PGM1: variants seen among roughly 807,000 people sequenced by gnomAD.
PGM1 encodes the protein phosphoglucomutase 1.
PGM1 carries 52 observed loss-of-function variants against 55.6 expected under a neutral mutation model. The observed-to-expected ratio is 0.94, with a 90% CI of 0.75 to 1.18. The LOEUF is 1.18. PGM1 is among the 50% of genes most tolerant of loss of function. PGM1 has a pLI of 0.00. For missense variants in PGM1, 724 were observed against 729.3 expected (o/e 0.99, Z 0.08); for synonymous variants, 287 against 271.7 (o/e 1.06, Z -0.55).
intron 9 of PGM1, among the ~76,000 whole-genome samples, chr1:63,652,311 G>A (rs1649831097): frequency 6.6e-6 from 1 of 152,202 alleles, no homozygotes; most frequent in Admixed American, 6.5e-5. Context: ...TTCTAAAGGA[G>A]AGAAAAATAG....
intron 1 of PGM1, among the ~76,000 whole-genome samples, chr1:63,604,763 C>G (rs557698919): frequency 6.6e-6 from 1 of 152,270 alleles, no homozygotes; most frequent in South Asian, 2.1e-4. Context: ...CCCCAGATTC[C>G]TTCCAGTTAC....
intron 4 of PGM1, among the ~76,000 whole-genome samples, chr1:63,633,932 A>C (rs28719673): frequency 2.8e-5 from 1 of 35,350 alleles, no homozygotes; most frequent in Non-Finnish European, 4.6e-5. Context: ...ATATATATAT[A>C]TTTTTTTTTT....
intron 1 of PGM1, among the ~76,000 whole-genome samples, chr1:63,621,711 G>C (rs1466254193): frequency 6.6e-6 from 1 of 152,186 alleles, no homozygotes; most frequent in East Asian, 1.9e-4. Context: ...ATAAAAAGTA[G>C]TCGTCTTTTG....
intron 1 of PGM1, among the ~76,000 whole-genome samples, chr1:63,624,483 G>A (rs774070628): frequency 6.6e-6 from 1 of 152,206 alleles, no homozygotes; most frequent in African/African-American, 2.4e-5. Context: ...GTACCAGAAC[G>A]CATTGATCTT....
chr1:63,627,056 C>T (rs554994395), intron 1 of PGM1, among the ~76,000 whole-genome samples: 1 of 100,104 alleles, frequency 1.0e-5, no homozygotes, highest in East Asian at 4.7e-4. Flanking sequence ...TGGCAGGACC[C>T]CCCCCCCCCC....
intron 1 of PGM1, among the ~76,000 whole-genome samples, chr1:63,602,781 C>T (rs1006929420): frequency 2.0e-5 from 3 of 152,008 alleles, no homozygotes; most frequent in Admixed American, 6.6e-5. Flanking sequence ...ATGGTGATCT[C>T]GTAGGTTGCA....
intron 4 of PGM1, 141 bp downstream of exon 4, chr1:63,631,923 T>C (rs1649207842): frequency 1.2e-6 from 1 of 821,342 alleles, no homozygotes; most frequent in African/African-American, 1.7e-5. Context: ...ACCAGAGCAA[T>C]ATTCACACAG....
At position 63,593,688 on chromosome 1, in the gene PGM1, TGAA is replaced by T; in HGVS notation, c.202_204del (p.Lys68del). ...GTGGGCGGGGACGGCCGGTTCTACA[TGAA>T]GGAGGCCATCCAGCTCATCGCTCGC... On this transcript the variant is annotated inframe_deletion, in exon 1 of 11. Transcript: ENST00000371084. 2 of 1,605,240 alleles carry T rather than the reference TGAA, an allele frequency of 1.2e-6. No individual in the cohort carries two copies. The highest frequency in any genetic ancestry group is 1.7e-6 in the Non-Finnish European group (2 of 1,176,982).
chr1:63,600,846 A>G (rs975072978), intron 1 of PGM1, among the ~76,000 whole-genome samples: 10 of 152,368 alleles, frequency 6.6e-5, no homozygotes, highest in South Asian at 2.1e-4. Context: ...CCAATATACT[A>G]TGACATTTTG....
At chr1:63,648,880 A>G (rs920585107) in intron 8 of PGM1, among the ~76,000 whole-genome samples, 1 of 152,268 alleles carries the variant, frequency 6.6e-6, no homozygotes, top group African/African-American at 2.4e-5. Context: ...AATCAAAAGA[A>G]TAAATGCTTT....
At chr1:63,602,214 T>C (rs1648263545) in intron 1 of PGM1, among the ~76,000 whole-genome samples, 1 of 152,148 alleles carries the variant, frequency 6.6e-6, no homozygotes, top group African/African-American at 2.4e-5. Flanking sequence ...TGGGCAATGT[T>C]AAGTAGGAGT....
chr1:63,621,160 C>A (rs1044525310), intron 1 of PGM1, among the ~76,000 whole-genome samples: 2 of 152,100 alleles, frequency 1.3e-5, no homozygotes, highest in South Asian at 2.1e-4. Context: ...GGATTATGTT[C>A]TTTTGGTATA....
At chr1:63,593,944 C>T in intron 1 of PGM1, 1 of 1,216,496 alleles carries the variant, frequency 8.2e-7, no homozygotes, top group South Asian at 3.1e-5. Context: ...CGGGACCCGG[C>T]AGACCTGCTC....
At chr1:63,649,595 T>C (rs964040755) in intron 8 of PGM1, among the ~76,000 whole-genome samples, 4 of 152,200 alleles carry the variant, frequency 2.6e-5, no homozygotes, top group African/African-American at 9.7e-5. Context: ...ATTTAAAAAA[T>C]ATATCCCAGA....
intron 10 of PGM1, among the ~76,000 whole-genome samples, chr1:63,657,112 T>TA (rs1649988904): frequency 3.3e-5 from 5 of 152,240 alleles, no homozygotes; most frequent in Admixed American, 3.3e-4. Flanking sequence ...CAATTTTTAT[T>TA]AAAAAATTGA....
At chr1:63,635,976 C>T (rs1164136076) in intron 5 of PGM1, among the ~76,000 whole-genome samples, 1 of 152,216 alleles carries the variant, frequency 6.6e-6, no homozygotes, top group Non-Finnish European at 1.5e-5. Flanking sequence ...GGAGGGAGAA[C>T]AGAGGACTCA....
In PGM1 at chr1:63,604,919, G is replaced by GTC. The variant is rs1329576152; in HGVS notation, c.246+11186_246+11187insCT. ...TATAGGGAGGGAGTTACATAACTCT[G>GTC]TGTGTGTGTGTGTGTGTGTGTGTGT... On this transcript the variant is annotated intron_variant, in intron 1 of 10. Coordinates refer to ENST00000371084, the MANE Select transcript of PGM1 (RefSeq NM_002633.3). Among the ~76,000 whole-genome samples the GTC allele has an allele frequency of 1.7e-3, 43 of 25,158 alleles. No individual in the cohort carries two copies. In the East Asian group the frequency reaches 0.029, roughly 17 times the overall value. 16.5% of individuals were successfully genotyped at this position (25,158 alleles called of 152,430 possible).
intron 1 of PGM1, among the ~76,000 whole-genome samples, chr1:63,616,703 G>A (rs1198460710): frequency 6.6e-6 from 1 of 152,200 alleles, no homozygotes; most frequent in African/African-American, 2.4e-5. Context: ...TGAGGCAGAG[G>A]CAGCTGTTAT....
chr1:63,616,345 T>C, intron 1 of PGM1, among the ~76,000 whole-genome samples: 1 of 152,212 alleles, frequency 6.6e-6, no homozygotes, highest in Non-Finnish European at 1.5e-5. Context: ...TCCTAAGCCT[T>C]GCACATCTTC....
Sources: allele counts gnomAD v4.1 joint callset (sites outside exome capture counted in the v4.1 genomes callset), GRCh38; gene constraint gnomAD v4.1.1; transcripts MANE v1.5; gene names NCBI Gene and HGNC (gene_info 2026-07-23, HGNC 2026-07-21).